The following GREB1 variants were observed in gnomAD, a reference collection of about 807,000 sequenced individuals.
GREB1 encodes the protein growth regulating estrogen receptor binding 1, also known as protein GREB1.
A neutral mutation model predicts 200.7 loss-of-function variants in GREB1; 106 were observed. The ratio of observed to expected loss-of-function variants is 0.53; its 90% confidence interval spans 0.45 to 0.62. The LOEUF (loss-of-function observed/expected upper bound fraction) is 0.62, where lower values mean the gene tolerates loss of function less well. GREB1 is among the 20% of genes least tolerant of loss of function. GREB1 has a pLI of 0.00. For missense variants in GREB1, 2,243 were observed against 2,556.8 expected (o/e 0.88, Z 2.65); for synonymous variants, 1,132 against 1,092.4 (o/e 1.04, Z -0.72).
intron 7 of GREB1, among the ~76,000 whole-genome samples, chr2:11,581,950 G>A (rs1409842401): frequency 6.6e-6 from 1 of 152,220 alleles, no homozygotes; most frequent in African/African-American, 2.4e-5. Context: ...CCTCCATCCT[G>A]GAGTCCGAAA....
At chr2:11,525,108 C>G (rs1276249547) in intron 1 of GREB1, among the ~76,000 whole-genome samples, 1 of 152,172 alleles carries the variant, frequency 6.6e-6, no homozygotes, top group East Asian at 1.9e-4. Flanking sequence ...TTGTGGTTGG[C>G]TGTGTTACAT....
At chr2:11,573,040 C>T (rs1210816278) in intron 4 of GREB1, among the ~76,000 whole-genome samples, 1 of 152,190 alleles carries the variant, frequency 6.6e-6, no homozygotes, top group Non-Finnish European at 1.5e-5. Flanking sequence ...GGCTTGTTGA[C>T]AGACGGGGAA....
intron 1 of GREB1, among the ~76,000 whole-genome samples, chr2:11,542,389 G>C (rs533859264): frequency 6.6e-6 from 1 of 152,218 alleles, no homozygotes; most frequent in East Asian, 1.9e-4. Flanking sequence ...GGTCGAGTAG[G>C]ATCTGCAGCG....
chr2:11,530,044 T>C (rs1314735467), upstream of GREB1, among the ~76,000 whole-genome samples: 1 of 152,046 alleles, frequency 6.6e-6, no homozygotes, highest in Admixed American at 6.6e-5. Context: ...AGGTGATTTT[T>C]TATTTTATTT....
At position 11,576,235 on chromosome 2, in the gene GREB1, A is replaced by G. The variant is rs150424211; in HGVS notation, c.455-118A>G. The G allele has an allele frequency of 8.8e-4, 670 of 758,982 alleles. 6 individuals carry two copies. The African/African-American group carries it at 9.9e-3, about 11-fold the overall frequency. The allele number at this position is 758,982 out of a possible 1,614,324, so 47.0% of individuals were successfully genotyped here. ...AGCAGGAGAATCACTTGAACCTGGG[A>G]GATAGAGGTTGCAGCGAGCCGAGAT... is the stretch of plus-strand genomic sequence containing the variant. On this transcript the variant is annotated intron_variant, in intron 4 of 32. Coordinates refer to ENST00000381486, the MANE Select transcript of GREB1 (RefSeq NM_014668.4).
intron 10 of GREB1, chr2:11,591,427 C>G (rs1263607313): frequency 1.4e-6 from 1 of 726,448 alleles, no homozygotes; most frequent in Admixed American, 2.0e-5. Context: ...ACGTATAAAC[C>G]AGACAATTCA....
At chr2:11,616,808 G>T in intron 21 of GREB1, 88 bp downstream of exon 21, 1 of 779,196 alleles carries the variant, frequency 1.3e-6, no homozygotes, top group South Asian at 1.5e-5. Flanking sequence ...AGGGCTATTT[G>T]CTGATCCTTT....
In GREB1 at chr2:11,641,849, T is replaced by C. The variant is rs889742764; in HGVS notation, c.*1395T>C. On this transcript the variant is annotated 3_prime_UTR_variant, in exon 33 of 33. Transcript: ENST00000381486. ...TTGCCCGGCGCCTGGACAGTGATCA[T>C]CTTGTTCATCTTGTTCAGTCCTTTC... The C allele has an allele frequency of 6.6e-6, 1 of 152,234 alleles. No individual in the cohort carries two copies. The highest frequency in any genetic ancestry group is 1.5e-5 in the Non-Finnish European group (1 of 68,064). The allele number at this position is 152,234 out of a possible 1,614,324, so 9.4% of individuals were successfully genotyped here. A position where few individuals can be genotyped will look rare whatever the true frequency, so the allele number is the denominator to read the frequency against.
chr2:11,585,065 C>T, intron 7 of GREB1, 96 bp from the exon 8 acceptor site: 1 of 566,894 alleles, frequency 1.8e-6, no homozygotes, highest in Non-Finnish European at 2.9e-6. Flanking sequence ...AAAAAAAAAA[C>T]AAAACAAAAC....
In GREB1 at chr2:11,534,069, A is replaced by G. The variant is rs1012568225; in HGVS notation, c.-347A>G. On this transcript the variant is annotated 5_prime_UTR_variant, in exon 1 of 33. Transcript: ENST00000381486. ...TGCTAAATGGTTAAGAGATACATAA[A>G]TACTGCAGTAGAGATGGGATTTTAC... 6.6e-6 allele frequency: 1 copy of G among 152,210 alleles called. No individual in the cohort carries two copies. The highest frequency in any genetic ancestry group is 2.4e-5 in the African/African-American group (1 of 41,442). The allele number at this position is 152,210 out of a possible 1,614,324, so 9.4% of individuals were successfully genotyped here.
rs752937124 is a variant in GREB1 at position 11,615,280 on chromosome 2, G to A, written c.3312G>A (p.Leu1104=). The A allele has an allele frequency of 9.5e-6, 15 of 1,584,806 alleles. No homozygotes were observed. The Admixed American group carries it at 2.6e-4, about 27-fold the overall frequency. Residue 1104 remains leucine, a synonymous_variant, in exon 20 of 33, where the codon CTG becomes CTA. Transcript: ENST00000381486. The part of the protein sequence containing the change: ...LSSTDNEDEE[L]GTEGSTSEKR... ...GCACAGACAACGAGGATGAGGAGCTGGGGACAGAAGGTGAGGGATGGCTGC... is the reference window on the plus strand; with the variant it reads ...GCACAGACAACGAGGATGAGGAGCTAGGGACAGAAGGTGAGGGATGGCTGC...
At position 11,486,688 on chromosome 2, in the gene GREB1, T is replaced by A. The variant is rs549625173; in HGVS notation, c.-159+4307T>A. On this transcript the variant is annotated intron_variant, in intron 1 of 2. Coordinates refer to the GREB1 transcript ENST00000628795. ...TTCGAGACTAGCCTGGCTAATGTGG[T>A]GAAACCCCGTCTCTACTGAAAATAC... Among the ~76,000 whole-genome samples the A allele has an allele frequency of 1.6e-4, 25 of 152,004 alleles. No homozygotes were observed. The South Asian group carries it at 4.4e-3, about 27-fold the overall frequency.
At position 11,635,331 on chromosome 2, in the gene GREB1, CG is replaced by C; in HGVS notation, c.5274del (p.Phe1759SerfsTer6). 6.2e-7 allele frequency: 1 copy of C among 1,614,142 alleles called. No individual in the cohort carries two copies. The highest frequency in any genetic ancestry group is 8.5e-7 in the Non-Finnish European group (1 of 1,179,994). On this transcript the variant is annotated frameshift_variant, in exon 30 of 33. Transcript: ENST00000381486. LOFTEE classifies it high-confidence loss of function. Reference protein sequence around the residue: ...RVHSAGLLLCRFNRFSVMKKQ... With the variant: ...RVHSAGLLLCXFNRFSVMKKQ... ...GCACAGCGCCGGCCTCCTGCTCTGC[CG>C]GTTCAACCGCTTCAGCGTGATGAAG...
At chr2:11,501,941 A>C (rs1193893652) in intron 1 of GREB1, among the ~76,000 whole-genome samples, 2 of 33,072 alleles carry the variant, frequency 6.0e-5, no homozygotes, top group East Asian at 2.0e-3. Context: ...TTTGAGATGG[A>C]GTTTTGCTCT....
chr2:11,498,310 G>C (rs1672943370), intron 1 of GREB1, among the ~76,000 whole-genome samples: 1 of 151,962 alleles, frequency 6.6e-6, no homozygotes, highest in African/African-American at 2.4e-5. Flanking sequence ...TTAGGTCAAG[G>C]TTCATTTCTT....
intron 5 of GREB1, 32 bp downstream of exon 5, chr2:11,576,567 AGTGCTGGGCCCCCAAGTGGGCC>A (rs1678876266): frequency 6.3e-7 from 1 of 1,575,510 alleles, no homozygotes; most frequent in Non-Finnish European, 8.7e-7. Context: ...GAGGTATGGG[AGTGCTGGGCCCCCAAGTGGGCC>A]GTGGTGCCTG....
At chr2:11,632,397 G>A (rs1346855516) in intron 27 of GREB1, among the ~76,000 whole-genome samples, 3 of 137,984 alleles carry the variant, frequency 2.2e-5, no homozygotes, top group African/African-American at 8.2e-5. Flanking sequence ...GGAGTGCAAC[G>A]GCATGATCTC....
In GREB1 at chr2:11,622,293, C is replaced by G. The variant is rs113210226; in HGVS notation, c.4147+1286C>G. On this transcript the variant is annotated intron_variant, in intron 23 of 32. Coordinates refer to ENST00000381486, the MANE Select transcript of GREB1 (RefSeq NM_014668.4). ...ACAGGGTTTCACCATGTTGGCCAGG[C>G]TGGTCTCAAACTTCTGACCTCAAGT... Among the ~76,000 whole-genome samples, 427 of 152,260 alleles carry G rather than the reference C, an allele frequency of 2.8e-3. 3 individuals are homozygous for G. The highest frequency in any genetic ancestry group is 9.9e-3 in the African/African-American group (411 of 41,540).
At chr2:11,521,043 G>A (rs550852841) in intron 1 of GREB1, among the ~76,000 whole-genome samples, 1 of 152,328 alleles carries the variant, frequency 6.6e-6, no homozygotes, top group Admixed American at 6.5e-5. Context: ...CAGGACCTGA[G>A]CCAGGCATGT....
Sources: allele counts gnomAD v4.1 joint callset (sites outside exome capture counted in the v4.1 genomes callset), GRCh38; gene constraint gnomAD v4.1.1; transcripts MANE v1.5; gene names NCBI Gene and HGNC (gene_info 2026-07-23, HGNC 2026-07-21).